PLCB1: variants seen among roughly 807,000 people sequenced by gnomAD.
The protein encoded by PLCB1 is phospholipase C beta 1, also known as 1-phosphatidylinositol 4,5-bisphosphate phosphodiesterase beta-1.
Under a neutral mutation model 161.8 loss-of-function variants are expected in PLCB1, and 46 were observed. That is an observed-to-expected ratio of 0.28 (90% CI 0.22 to 0.36). The LOEUF is 0.36. Among genes scored for constraint, PLCB1 ranks in the 10% least tolerant of loss-of-function variants. The pLI, the probability that PLCB1 is intolerant of heterozygous loss-of-function variation, is 1.00. For synonymous variants in PLCB1, 517 were observed against 503.7 expected (o/e 1.03, Z -0.35); for missense variants, 1,016 against 1,472.5 (o/e 0.69, Z 5.07).
At chr20:8,700,897 G>A (rs1990688660) in intron 11 of PLCB1, among the ~76,000 whole-genome samples, 1 of 152,248 alleles carries the variant, frequency 6.6e-6, no homozygotes. Flanking sequence ...GATGGATGTG[G>A]GGAGTGGAAA....
intron 26 of PLCB1, among the ~76,000 whole-genome samples, chr20:8,769,210 T>C (rs1291745587): frequency 6.6e-6 from 1 of 152,190 alleles, no homozygotes; most frequent in Admixed American, 6.5e-5. Flanking sequence ...CAGAGCGTTG[T>C]GTAAGACATT....
intron 2 of PLCB1, among the ~76,000 whole-genome samples, chr20:8,213,886 T>C (rs1052540961): frequency 2.0e-5 from 3 of 152,096 alleles, no homozygotes; most frequent in Non-Finnish European, 2.9e-5. Flanking sequence ...AGTAATGCGG[T>C]TACTTTCCAG....
At chr20:8,234,436 T>C (rs1432865364) in intron 2 of PLCB1, among the ~76,000 whole-genome samples, 1 of 152,148 alleles carries the variant, frequency 6.6e-6, no homozygotes, top group Non-Finnish European at 1.5e-5. Context: ...AATCCTGTCA[T>C]GTGTTCATTT....
At chr20:8,633,101 TACACACACACAC>T (rs58802999) in intron 4 of PLCB1, among the ~76,000 whole-genome samples, 4,321 of 142,102 alleles carry the variant, frequency 0.03, 148 homozygotes, top group African/African-American at 0.082. Context: ...TGCATGTATG[TACACACACACAC>T]ACACACACAC....
At chr20:8,678,095 A>G (rs960089889) in intron 9 of PLCB1, among the ~76,000 whole-genome samples, 1 of 152,206 alleles carries the variant, frequency 6.6e-6, no homozygotes, top group Non-Finnish European at 1.5e-5. Context: ...ACCGGGGGAT[A>G]CTTTGGAGTT....
chr20:8,180,014 A>T (rs1261895655), intron 2 of PLCB1, among the ~76,000 whole-genome samples: 2 of 150,772 alleles, frequency 1.3e-5, no homozygotes, highest in African/African-American at 4.9e-5. Flanking sequence ...GCCCGCCACT[A>T]CGCCCGGCTA....
At position 8,401,457 on chromosome 20, in the gene PLCB1, T is replaced by C. The variant is rs144967665; in HGVS notation, c.246+30007T>C. The stretch of plus-strand genomic sequence containing the variant: ...ATTTCTTCCAGTGTTTTTATGATTT[T>C]AATTTTTATGGTTGTATCTTTGAGC... On this transcript the variant is annotated intron_variant, in intron 3 of 31. Coordinates refer to ENST00000338037, the MANE Select transcript of PLCB1 (RefSeq NM_015192.4). 3.4e-3 allele frequency among the ~76,000 whole-genome samples: 518 copies of C among 152,366 alleles called. 5 individuals carry two copies. The highest frequency in any genetic ancestry group is 0.012 in the African/African-American group (501 of 41,600).
At chr20:8,267,083 C>T (rs1825370690) in intron 2 of PLCB1, among the ~76,000 whole-genome samples, 1 of 151,860 alleles carries the variant, frequency 6.6e-6, no homozygotes, top group Non-Finnish European at 1.5e-5. Flanking sequence ...TCTGGGATGA[C>T]CGTACCTTAA....
Position 8,808,559 on chromosome 20 carries a change from G to T in PLCB1, c.3423+18298G>T, listed in dbSNP as rs1007982253. ...AGACACAATTCAGTCCATAAAGGAA[G>T]TATATCTCTCACACATAGCTCACAC... On this transcript the variant is annotated intron_variant, in intron 31 of 31. Transcript: ENST00000338037. Among the ~76,000 whole-genome samples, 13 of 152,268 alleles carry T rather than the reference G, an allele frequency of 8.5e-5. No individual in the cohort carries two copies. The East Asian group carries it at 2.3e-3, about 27-fold the overall frequency.
intron 31 of PLCB1, among the ~76,000 whole-genome samples, chr20:8,853,886 T>G (rs935640893): frequency 3.9e-5 from 6 of 152,220 alleles, no homozygotes; most frequent in Non-Finnish European, 8.8e-5. Context: ...AAAGAAGCGC[T>G]GTTCTCCCAA....
At chr20:8,535,595 G>A (rs1985019524) in intron 3 of PLCB1, among the ~76,000 whole-genome samples, 1 of 152,120 alleles carries the variant, frequency 6.6e-6, no homozygotes, top group Non-Finnish European at 1.5e-5. Flanking sequence ...CCCCCCAGTG[G>A]ACATTTGGCA....
intron 31 of PLCB1, among the ~76,000 whole-genome samples, chr20:8,836,760 T>G (rs184274272): frequency 5.0e-4 from 76 of 152,302 alleles, no homozygotes; most frequent in Non-Finnish European, 1.0e-3. Context: ...GTAACAAATG[T>G]AAAGAGATTG....
At chr20:8,716,188 T>C (rs1435397764) in intron 12 of PLCB1, 76 bp from the exon 13 acceptor site, 2 of 1,063,766 alleles carry the variant, frequency 1.9e-6, no homozygotes, top group East Asian at 4.8e-5. Context: ...CTGTAGTTAA[T>C]AACACAAAGC....
At chr20:8,781,448 A>AC (rs1983232253) in intron 27 of PLCB1, among the ~76,000 whole-genome samples, 2 of 133,578 alleles carry the variant, frequency 1.5e-5, no homozygotes, top group African/African-American at 5.5e-5. Context: ...ACACACACAC[A>AC]AAGATCCAAA....
chr20:8,795,806 C>T (rs370001572), intron 31 of PLCB1, among the ~76,000 whole-genome samples: 20 of 147,038 alleles, frequency 1.4e-4, no homozygotes, highest in African/African-American at 4.0e-4. Flanking sequence ...ACCCGGGAGG[C>T]GGAGGTTGCA....
intron 31 of PLCB1, among the ~76,000 whole-genome samples, chr20:8,838,252 A>G (rs1021765525): frequency 3.3e-5 from 5 of 152,112 alleles, no homozygotes; most frequent in Non-Finnish European, 7.4e-5. Context: ...TCTTTCTCCC[A>G]TCCTTCTCCA....
chr20:8,532,883 T>C (rs1428445173), intron 3 of PLCB1, among the ~76,000 whole-genome samples: 3 of 152,102 alleles, frequency 2.0e-5, no homozygotes, highest in African/African-American at 7.2e-5. Flanking sequence ...ATTATGATAC[T>C]TTAAGTTGTA....
At chr20:8,834,136 C>A (rs1006763358) in intron 31 of PLCB1, among the ~76,000 whole-genome samples, 3 of 151,896 alleles carry the variant, frequency 2.0e-5, no homozygotes, top group Admixed American at 6.6e-5. Context: ...GCTGGAGAAG[C>A]CTGGGGAAGT....
intron 2 of PLCB1, among the ~76,000 whole-genome samples, chr20:8,186,336 T>C (rs1474122469): frequency 6.6e-6 from 1 of 152,218 alleles, no homozygotes; most frequent in African/African-American, 2.4e-5. Context: ...AATTTAAGAA[T>C]AATCTGAAGT....
Sources: allele counts gnomAD v4.1 joint callset (sites outside exome capture counted in the v4.1 genomes callset), GRCh38; gene constraint gnomAD v4.1.1; transcripts MANE v1.5; gene names NCBI Gene and HGNC (gene_info 2026-07-23, HGNC 2026-07-21).